Variants in MTUS2 observed in about 807,000 individuals in gnomAD.
MTUS2 encodes microtubule-associated tumor suppressor candidate 2.
Under a neutral mutation model 114.1 loss-of-function variants are expected in MTUS2, and 40 were observed. The observed-to-expected ratio is 0.35, with a 90% CI of 0.27 to 0.46. MTUS2 has a LOEUF of 0.46. Among genes scored for constraint, MTUS2 ranks in the 20% least tolerant of loss-of-function variants. The pLI is 1.00. For missense variants in MTUS2, 1,679 were observed against 1,705.4 expected (o/e 0.98, Z 0.27); for synonymous variants, 688 against 672.0 (o/e 1.02, Z -0.37).
Position 29,487,932 on chromosome 13 carries a change from T to C in MTUS2, c.3432T>C (p.Ala1144=), listed in dbSNP as rs1309470976. 6.2e-7 allele frequency: 1 copy of C among 1,614,070 alleles called. No individual in the cohort carries two copies. Among genetic ancestry groups the C allele is most frequent in the African/African-American group, 1.3e-5 (1 of 75,020 alleles). Residue 1144 remains alanine, a synonymous_variant, in exon 11 of 16, where the codon GCT becomes GCC. Transcript: ENST00000612955. ...VEDLTASHDA[A]LLEMENNHTV... ...ATCTCACCGCCAGCCATGATGCTGC[T>C]CTCCTAGAGATGGAAAATAACCACA...
At chr13:29,293,833 A>T (rs1402173750) in intron 6 of MTUS2, among the ~76,000 whole-genome samples, 1 of 152,282 alleles carries the variant, frequency 6.6e-6, no homozygotes, top group East Asian at 1.9e-4. Flanking sequence ...TATAGAACAC[A>T]ATCTCATTAT....
chr13:29,419,904 C>G (rs1875950797), intron 8 of MTUS2, among the ~76,000 whole-genome samples: 1 of 152,174 alleles, frequency 6.6e-6, no homozygotes. Flanking sequence ...TTGAAACTGT[C>G]ATGTACAGAA....
intron 12 of MTUS2, among the ~76,000 whole-genome samples, chr13:29,495,076 C>G (rs564058051): frequency 2.9e-4 from 43 of 147,614 alleles, no homozygotes; most frequent in Non-Finnish European, 4.3e-4. Flanking sequence ...CCCAGCTACT[C>G]GGGAGGCTGA....
chr13:29,339,313 C>T (rs890036862), intron 7 of MTUS2, among the ~76,000 whole-genome samples: 1 of 152,144 alleles, frequency 6.6e-6, no homozygotes, highest in Non-Finnish European at 1.5e-5. Flanking sequence ...GCGGCCCAGG[C>T]CTGGGCACAA....
chr13:29,444,181 T>TG (rs1229195321), intron 9 of MTUS2, among the ~76,000 whole-genome samples: 1 of 152,140 alleles, frequency 6.6e-6, no homozygotes, highest in African/African-American at 2.4e-5. Context: ...CCCAGCACTT[T>TG]GGGAGGCTGA....
rs1898273652 is a variant in MTUS2 at position 29,281,629 on chromosome 13, T to A, written c.2645-75T>A. On this transcript the variant is annotated intron_variant, in intron 5 of 15. Transcript: ENST00000612955. ...AAGCAGATGACGGCAGTAGGATTGGTTGGCAAGTGCAAATGGTGAGGGCTC... is the reference window on the plus strand; with the variant it reads ...AAGCAGATGACGGCAGTAGGATTGGATGGCAAGTGCAAATGGTGAGGGCTC... 5 of 1,469,156 alleles carry A rather than the reference T, an allele frequency of 3.4e-6. No homozygotes were observed. In the Admixed American group the frequency reaches 1.0e-4, roughly 29 times the overall value. The allele number at this position is 1,469,156 out of a possible 1,614,324, so 91.0% of individuals were successfully genotyped here. A position where few individuals can be genotyped will look rare whatever the true frequency, so the allele number is the denominator to read the frequency against.
intron 2 of MTUS2, among the ~76,000 whole-genome samples, chr13:28,968,023 CATG>C (rs1402792691): frequency 2.0e-5 from 3 of 152,082 alleles, no homozygotes; most frequent in Non-Finnish European, 2.9e-5. Context: ...AAAAATTATT[CATG>C]ATGTCACCAT....
chr13:29,234,841 A>C (rs887232751), intron 5 of MTUS2, among the ~76,000 whole-genome samples: 4 of 152,026 alleles, frequency 2.6e-5, no homozygotes, highest in Admixed American at 6.6e-5. Context: ...CCACTTCCCC[A>C]AAAAATAGGA....
rs145702768 is a variant in MTUS2 at position 29,294,017 on chromosome 13, T to G, written c.2806+12152T>G. Among the ~76,000 whole-genome samples, 152 of 152,222 alleles carry G rather than the reference T, an allele frequency of 1.0e-3. 1 individual carries two copies. The highest frequency in any genetic ancestry group is 3.5e-3 in the African/African-American group (146 of 41,566). ...ATTTTTAAATTTTGTTCTTTCTATA[T>G]TGTCAGAATTTTTCCAGACATGTTT... On this transcript the variant is annotated intron_variant, in intron 6 of 15. Transcript: ENST00000612955.
chr13:29,352,243 A>G lies in MTUS2; in HGVS notation c.2906-7019A>G, dbSNP rs900117786. Among the ~76,000 whole-genome samples the G allele has an allele frequency of 5.3e-5, 8 of 152,186 alleles. 1 individual carries two copies. Among genetic ancestry groups the G allele is most frequent in the Admixed American group, 4.6e-4 (7 of 15,276 alleles). ...TCTTCTTCTGTGAAATGGAAATTTTACCCATGCTGCAGGGTTATGGTGAAG... is the reference window on the plus strand; with the variant it reads ...TCTTCTTCTGTGAAATGGAAATTTTGCCCATGCTGCAGGGTTATGGTGAAG... On this transcript the variant is annotated intron_variant, in intron 7 of 15. Coordinates refer to ENST00000612955, the MANE Select transcript of MTUS2 (RefSeq NM_001033602.4).
intron 5 of MTUS2, among the ~76,000 whole-genome samples, chr13:29,158,941 G>C (rs928006): frequency 0.91 from 138,739 of 152,152 alleles, 63,298 homozygotes; most frequent in East Asian, 0.96. Flanking sequence ...CCCAGGAACG[G>C]GAGGGCTCAA....
chr13:29,279,261 C>T (rs1001409115), intron 5 of MTUS2, among the ~76,000 whole-genome samples: 1 of 152,138 alleles, frequency 6.6e-6, no homozygotes, highest in Non-Finnish European at 1.5e-5. Flanking sequence ...GCACCATTAA[C>T]CACCTTGCTG....
At chr13:28,821,622 C>T (rs1356518087) in intron 1 of MTUS2, among the ~76,000 whole-genome samples, 1 of 152,180 alleles carries the variant, frequency 6.6e-6, no homozygotes, top group Non-Finnish European at 1.5e-5. Flanking sequence ...CCTTGTCCCT[C>T]CTCCACCCAG....
At chr13:29,265,692 G>A (rs966804268) in intron 5 of MTUS2, among the ~76,000 whole-genome samples, 3 of 152,208 alleles carry the variant, frequency 2.0e-5, no homozygotes, top group Admixed American at 6.5e-5. Flanking sequence ...AAGGCTAAGC[G>A]GGAGCAGGAA....
intron 9 of MTUS2, among the ~76,000 whole-genome samples, chr13:29,453,583 T>G (rs1878897404): frequency 6.6e-6 from 1 of 151,784 alleles, no homozygotes; most frequent in African/African-American, 2.4e-5. Context: ...CAGTCAGGGG[T>G]TCAGAAAAGG....
At chr13:29,271,789 A>G in intron 5 of MTUS2, among the ~76,000 whole-genome samples, 1 of 152,126 alleles carries the variant, frequency 6.6e-6, no homozygotes, top group East Asian at 1.9e-4. Context: ...TATAGGCCAG[A>G]CCCCTCATGT....
At chr13:29,469,986 C>G (rs1880159417) in intron 9 of MTUS2, among the ~76,000 whole-genome samples, 1 of 152,042 alleles carries the variant, frequency 6.6e-6, no homozygotes, top group Non-Finnish European at 1.5e-5. Context: ...CATCAGTGCC[C>G]TTTAAAATGC....
intron 5 of MTUS2, among the ~76,000 whole-genome samples, chr13:29,101,544 A>C (rs1890419012): frequency 6.6e-6 from 1 of 152,180 alleles, no homozygotes; most frequent in Admixed American, 6.5e-5. Flanking sequence ...CTGCATTTTA[A>C]AGTATGAATG....
chr13:29,012,959 C>T, intron 2 of MTUS2, among the ~76,000 whole-genome samples: 1 of 152,172 alleles, frequency 6.6e-6, no homozygotes, highest in African/African-American at 2.4e-5. Context: ...GTGTGAGTTA[C>T]TAGGCCAAGT....
Sources: allele counts gnomAD v4.1 joint callset (sites outside exome capture counted in the v4.1 genomes callset), GRCh38; gene constraint gnomAD v4.1.1; transcripts MANE v1.5; gene names NCBI Gene and HGNC (gene_info 2026-07-23, HGNC 2026-07-21).